LRCH3: variants seen among roughly 807,000 people sequenced by gnomAD.
The protein encoded by LRCH3 is leucine rich repeats and calponin homology domain containing 3, also known as DISP complex protein LRCH3.
Under a neutral mutation model 104.5 loss-of-function variants are expected in LRCH3, and 68 were observed. The observed-to-expected ratio is 0.65, with a 90% CI of 0.54 to 0.80. The LOEUF (loss-of-function observed/expected upper bound fraction) is 0.80. LRCH3 is among the 30% of genes least tolerant of loss of function. The pLI is 0.00. For synonymous variants in LRCH3, 344 were observed against 361.3 expected (o/e 0.95, Z 0.54); for missense variants, 951 against 953.9 (o/e 1.00, Z 0.04).
At chr3:197,826,421 T>G (rs991159126) in intron 4 of LRCH3, among the ~76,000 whole-genome samples, 1 of 152,216 alleles carries the variant, frequency 6.6e-6, no homozygotes, top group African/African-American at 2.4e-5. Flanking sequence ...TGTCATCCTA[T>G]TGTGCCTGGG....
intron 12 of LRCH3, chr3:197,848,303 G>A (rs1014108392): frequency 3.4e-6 from 1 of 294,472 alleles, no homozygotes. Context: ...TAAGATGAAA[G>A]TGAAAGTGCT....
chr3:197,866,349 T>C (rs545755463), intron 17 of LRCH3, 130 bp downstream of exon 17: 23 of 647,454 alleles, frequency 3.6e-5, no homozygotes, highest in Non-Finnish European at 6.1e-5. Flanking sequence ...AAAGCATGTG[T>C]CTGTGATCTC....
chr3:197,848,295 A>G (rs1289891005), intron 12 of LRCH3: 3 of 317,724 alleles, frequency 9.4e-6, no homozygotes, highest in African/African-American at 2.2e-5. Context: ...AAGATCAGTA[A>G]GATGAAAGTG....
chr3:197,830,274 G>T (rs958104874), intron 6 of LRCH3, among the ~76,000 whole-genome samples: 2 of 152,086 alleles, frequency 1.3e-5, no homozygotes, highest in African/African-American at 2.4e-5. Flanking sequence ...TTGAAACAAG[G>T]TCTTACTATG....
chr3:197,807,867 C>T (rs190312552), intron 1 of LRCH3, among the ~76,000 whole-genome samples: 1 of 152,258 alleles, frequency 6.6e-6, no homozygotes, highest in Non-Finnish European at 1.5e-5. Context: ...ACCTTACCCC[C>T]TTCATGTCCC....
At chr3:197,798,820 CG>C (rs1415190690) in intron 1 of LRCH3, among the ~76,000 whole-genome samples, 2 of 152,136 alleles carry the variant, frequency 1.3e-5, no homozygotes, top group African/African-American at 4.8e-5. Flanking sequence ...AGCAACTAGC[CG>C]TAAGTGGTTA....
chr3:197,818,851 C>A (rs891948712), intron 3 of LRCH3, among the ~76,000 whole-genome samples: 1 of 152,132 alleles, frequency 6.6e-6, no homozygotes, highest in African/African-American at 2.4e-5. Context: ...CCCAGCCAGG[C>A]GCAGTGGCTC....
chr3:197,841,318 T>C (rs151053805), intron 10 of LRCH3, among the ~76,000 whole-genome samples: 56 of 152,330 alleles, frequency 3.7e-4, no homozygotes, highest in African/African-American at 1.3e-3. Flanking sequence ...TGGCCATTCT[T>C]GGTGTTTAGA....
At chr3:197,817,641 T>C (rs926710546) in intron 3 of LRCH3, among the ~76,000 whole-genome samples, 11 of 151,756 alleles carry the variant, frequency 7.2e-5, no homozygotes, top group African/African-American at 2.4e-4. Context: ...TTTTGAGATA[T>C]GTTAATATAA....
rs1713794423 is a variant in LRCH3, at chr3:197,881,786, A to G, written c.2209-1755A>G. The G allele has an allele frequency of 1.0e-5, 10 of 985,406 alleles. No individual in the cohort carries two copies. The South Asian group carries it at 3.8e-4, about 37-fold the overall frequency. The allele number at this position is 985,406 out of a possible 1,614,324, so 61.0% of individuals were successfully genotyped here. A position where few individuals can be genotyped will look rare whatever the true frequency, so the allele number is the denominator to read the frequency against. On this transcript the variant is annotated intron_variant, in intron 20 of 20. Transcript: ENST00000425562. ...AGGATGAACTCAAGTGTGAAGAGAG[A>G]TTGTGAGGAGCATAATATCCGGTTT...
In LRCH3 at chr3:197,880,924, A is replaced by C. The variant is rs1713704593; in HGVS notation, c.2209-2617A>C. ...TACGATTGCTAACAAAGAGTAAAAG[A>C]CCAGCATTTTTTCTCCTGGTCATCC... On this transcript the variant is annotated intron_variant, in intron 20 of 20. Transcript: ENST00000425562. 4 of 1,413,878 alleles carry C rather than the reference A, an allele frequency of 2.8e-6. No homozygotes were observed. The East Asian group carries it at 1.0e-4, about 36-fold the overall frequency. 87.6% of individuals were successfully genotyped at this position (1,413,878 alleles called of 1,614,324 possible). A position where few individuals can be genotyped will look rare whatever the true frequency, so the allele number is the denominator to read the frequency against.
chr3:197,869,409 G>C (rs1430499659), intron 17 of LRCH3, among the ~76,000 whole-genome samples: 1 of 151,344 alleles, frequency 6.6e-6, no homozygotes, highest in Non-Finnish European at 1.5e-5. Context: ...GCGGTGCACT[G>C]TACCTGCAGG....
intron 2 of LRCH3, among the ~76,000 whole-genome samples, chr3:197,815,586 C>G (rs1448751691): frequency 6.6e-6 from 1 of 152,192 alleles, no homozygotes; most frequent in Non-Finnish European, 1.5e-5. Flanking sequence ...AGCCATTTGC[C>G]TGAGGAGCTT....
chr3:197,791,262 G>A lies in LRCH3; in HGVS notation c.-17G>A, dbSNP rs1204208488. 3 of 1,607,598 alleles carry A rather than the reference G, an allele frequency of 1.9e-6. No homozygotes were observed. Among genetic ancestry groups the A allele is most frequent in the Non-Finnish European group, 2.5e-6 (3 of 1,178,282 alleles). ...GCATGCGCTGAGCTGGCGGGCCCGA[G>A]TGTTGTCGGCTGGGAAATGGCGGCC... On this transcript the variant is annotated 5_prime_UTR_variant, in exon 1 of 21. The change creates a new upstream start codon in the 5' untranslated region. Coordinates refer to ENST00000425562, the MANE Select transcript of LRCH3 (RefSeq NM_001365715.1).
rs185080755 is a variant in LRCH3 at position 197,835,189 on chromosome 3, T to A, written c.1103-485T>A. Among the ~76,000 whole-genome samples, 476 of 152,248 alleles carry A rather than the reference T, an allele frequency of 3.1e-3. 1 individual carries two copies. Among genetic ancestry groups the A allele is most frequent in the Admixed American group, 4.3e-3 (66 of 15,284 alleles). The stretch of plus-strand genomic sequence containing the variant: ...AATATAAGTAAAATTAATTTAATTT[T>A]TTTTTTGTTTTTGAGACGGAGTCTT... On this transcript the variant is annotated intron_variant, in intron 8 of 20. Coordinates refer to ENST00000425562, the MANE Select transcript of LRCH3 (RefSeq NM_001365715.1).
At chr3:197,870,808 G>GAA (rs1417368437) in intron 18 of LRCH3, among the ~76,000 whole-genome samples, 6 of 152,344 alleles carry the variant, frequency 3.9e-5, no homozygotes, top group African/African-American at 1.2e-4. Flanking sequence ...AGTGCCCATT[G>GAA]TGTGCCATGT....
At chr3:197,817,360 G>GTGTGTTTATATA in intron 3 of LRCH3, 58 bp downstream of exon 3, 1 of 77,940 alleles carries the variant, frequency 1.3e-5, no homozygotes, top group Non-Finnish European at 1.8e-5. Flanking sequence ...GTGTGTGTGT[G>GTGTGTTTATATA]TATATATATA....
rs968804881 is a variant in LRCH3, at chr3:197,875,714, C to T, written c.2147C>T (p.Ala716Val). 58 of 1,533,894 alleles carry T rather than the reference C, an allele frequency of 3.8e-5. No individual in the cohort carries two copies. Among genetic ancestry groups the T allele is most frequent in the Middle Eastern group, 1.9e-4 (1 of 5,240 alleles). The change falls in exon 20 of 21, where the codon GCG becomes GTG. Residue 716 changes from alanine (A) to valine (V), a missense_variant. By Grantham distance (64) the Ala-to-Val change is moderately conservative. Coordinates refer to ENST00000425562, the MANE Select transcript of LRCH3 (RefSeq NM_001365715.1). ...PSPAVPKLTMAKCRRNVENFL... is the reference protein window; with the variant it reads ...PSPAVPKLTMVKCRRNVENFL... ...TCATTTCAGCCTAAATTAACAATGG[C>T]GAAATGCAGGCGAAATGTGGAAAAT...
intron 10 of LRCH3, 71 bp from the exon 11 acceptor site, chr3:197,847,338 T>C: frequency 7.2e-7 from 1 of 1,380,164 alleles, no homozygotes; most frequent in East Asian, 2.4e-5. Context: ...AAAAATTTCA[T>C]TTGTTTTTTA....
Sources: gnomAD v4.1 joint callset for allele counts (sites outside exome capture counted in the v4.1 genomes callset) on GRCh38, gnomAD v4.1.1 for gene constraint, MANE v1.5 for transcripts, NCBI Gene and HGNC (gene_info 2026-07-23, HGNC 2026-07-21) for gene names.